Variants in COPS4 observed in about 807,000 individuals in gnomAD.
COPS4 encodes the protein COP9 signalosome complex subunit 4.
Under a neutral mutation model 55.1 loss-of-function variants are expected in COPS4, and 8 were observed. The ratio of observed to expected loss-of-function variants is 0.15; its 90% CI spans 0.09 to 0.26. The LOEUF is 0.26. COPS4 is among the 10% of genes least tolerant of loss of function. The pLI is 1.00. For missense variants in COPS4, 248 were observed against 484.0 expected (o/e 0.51, Z 4.58); for synonymous variants, 185 against 165.7 (o/e 1.12, Z -0.90).
Position 83,057,265 on chromosome 4 carries a change from A to G in COPS4, c.572A>G (p.Tyr191Cys). 1 of 1,603,518 alleles carries G rather than the reference A, an allele frequency of 6.2e-7. No individual in the cohort carries two copies. Among genetic ancestry groups the G allele is most frequent in the Non-Finnish European group, 8.5e-7 (1 of 1,175,188 alleles). ...EQLQIHYKVCYARVLDYRRKF... is the reference protein window; with the variant it reads ...EQLQIHYKVCCARVLDYRRKF... The stretch of plus-strand genomic sequence containing the variant: ...ATATTTTCCCTCTGTTAGGTATGCT[A>G]TGCACGTGTTCTTGATTATAGAAGA... The change falls in exon 6 of 10, where the codon TAT becomes TGT. Residue 191 changes from tyrosine to cysteine, a missense_variant. Physicochemically the swap from Tyr to Cys is radical, Grantham distance 194. Transcript: ENST00000264389.
chr4:83,062,926 G>A (rs1731197737), intron 6 of COPS4, 150 bp from the exon 7 acceptor site: 2 of 599,038 alleles, frequency 3.3e-6, no homozygotes, highest in East Asian at 6.4e-5. Flanking sequence ...TTCAGCGTCG[G>A]CAGTGACTGC....
chr4:83,051,211 C>A (rs1251997783), intron 4 of COPS4, among the ~76,000 whole-genome samples: 1 of 151,182 alleles, frequency 6.6e-6, no homozygotes, highest in Non-Finnish European at 1.5e-5. Context: ...CCAACTTGGA[C>A]AACATATTGA....
intron 7 of COPS4, among the ~76,000 whole-genome samples, chr4:83,065,820 G>A (rs778012790): frequency 6.6e-6 from 1 of 152,206 alleles, no homozygotes; most frequent in Non-Finnish European, 1.5e-5. Flanking sequence ...TTGCATGATT[G>A]TTGTGCTGCT....
chr4:83,060,321 C>T (rs548788138), intron 6 of COPS4, among the ~76,000 whole-genome samples: 39 of 136,712 alleles, frequency 2.9e-4, no homozygotes, highest in African/African-American at 1.0e-3. Flanking sequence ...GTAGCTGGGA[C>T]TACAGGTGCC....
At chr4:83,039,496 A>G (rs1323699779) in intron 1 of COPS4, among the ~76,000 whole-genome samples, 5 of 152,228 alleles carry the variant, frequency 3.3e-5, no homozygotes, top group Admixed American at 2.0e-4. Flanking sequence ...GTAAAGGGAC[A>G]TGGGTACTGG....
chr4:83,050,500 A>T (rs1363666792), intron 4 of COPS4, among the ~76,000 whole-genome samples: 1 of 152,100 alleles, frequency 6.6e-6, no homozygotes, highest in East Asian at 1.9e-4. Context: ...CATGTTTACT[A>T]GGTTTCACCA....
Position 83,049,245 on chromosome 4 carries a change from T to A in COPS4, c.234T>A (p.Asp78Glu), listed in dbSNP as rs752301359. The A allele has an allele frequency of 5.0e-6, 8 of 1,612,396 alleles. No individual in the cohort carries two copies. The East Asian group carries it at 1.3e-4, about 27-fold the overall frequency. Residue 78 changes from aspartate (D) to glutamate (E), a missense_variant, in exon 3 of 10, where the codon GAT (aspartate) becomes GAA (glutamate). Around this residue, in one of 4 missense-constraint regions of COPS4, gnomAD observed 155 missense variants for 326.6 expected, o/e 0.47. Transcript: ENST00000264389. ...GCACACATCTTCCTAACTTGCCTGA[T>A]AGCACAGCCAAAGAAATCTATCACT... ...DFCTHLPNLPDSTAKEIYHFT... is the reference protein window; with the variant it reads ...DFCTHLPNLPESTAKEIYHFT...
chr4:83,071,962 G>A (rs921968562), intron 9 of COPS4, among the ~76,000 whole-genome samples: 4 of 151,962 alleles, frequency 2.6e-5, no homozygotes, highest in Admixed American at 6.6e-5. Context: ...CGCCCGCCTC[G>A]GCCTCCCAAA....
In COPS4 at chr4:83,057,025, A is replaced by T. The variant is rs570377685; in HGVS notation, c.510A>T (p.Arg170=). 1 of 1,614,100 alleles carries T rather than the reference A, an allele frequency of 6.2e-7. No individual in the cohort carries two copies. Among genetic ancestry groups the T allele is most frequent in the East Asian group, 2.2e-5 (1 of 44,866 alleles). ...DPVQAEAYIN[R]ASLLQNESTN... ...TCCAGGCAGAGGCTTACATAAATCG[A>T]GCATCGTTGCTTCAGAATGAATCAA... The change falls in exon 5 of 10, where the codon CGA becomes CGT. Residue 170 remains arginine (R), a synonymous_variant. Transcript: ENST00000264389.
At chr4:83,060,768 C>T (rs1279046564) in intron 6 of COPS4, among the ~76,000 whole-genome samples, 3 of 151,758 alleles carry the variant, frequency 2.0e-5, no homozygotes, top group African/African-American at 7.3e-5. Flanking sequence ...GGCACGGTGG[C>T]TCACGCCTGT....
intron 1 of COPS4, among the ~76,000 whole-genome samples, chr4:83,041,061 G>T (rs1466849264): frequency 7.7e-4 from 110 of 142,086 alleles, no homozygotes; most frequent in African/African-American, 1.0e-3. Context: ...TTTTTTTTTT[G>T]TTTTTTGTTT....
intron 9 of COPS4, among the ~76,000 whole-genome samples, chr4:83,071,479 T>C (rs1324748122): frequency 6.6e-6 from 1 of 151,990 alleles, no homozygotes; most frequent in Non-Finnish European, 1.5e-5. Flanking sequence ...GGTGCAGTGG[T>C]ATGATCATAG....
At chr4:83,038,396 A>G (rs1339002846) in intron 1 of COPS4, among the ~76,000 whole-genome samples, 3 of 152,228 alleles carry the variant, frequency 2.0e-5, no homozygotes, top group Non-Finnish European at 2.9e-5. Context: ...TGGTGAAGCT[A>G]GAAGACAGTC....
chr4:83,058,250 C>G (rs1350171696), intron 6 of COPS4, among the ~76,000 whole-genome samples: 2 of 152,162 alleles, frequency 1.3e-5, no homozygotes, highest in African/African-American at 4.8e-5. Flanking sequence ...TCTTAAATTG[C>G]TCTATCACCC....
At chr4:83,068,566 A>T in intron 9 of COPS4, 44 bp downstream of exon 9, 1 of 1,208,272 alleles carries the variant, frequency 8.3e-7, no homozygotes. Flanking sequence ...ATAGCAGTGA[A>T]CTGTTATATT....
intron 9 of COPS4, chr4:83,073,358 T>C (rs1022330425): frequency 3.1e-6 from 2 of 640,070 alleles, no homozygotes; most frequent in African/African-American, 3.6e-5. Context: ...TGGCAGGTAA[T>C]CAGTGCTTCA....
At chr4:83,071,312 TAATA>T (rs1731423713) in intron 9 of COPS4, among the ~76,000 whole-genome samples, 1 of 152,192 alleles carries the variant, frequency 6.6e-6, no homozygotes, top group Non-Finnish European at 1.5e-5. Context: ...ATATGATGAG[TAATA>T]TAGCATTTCC....
rs192969034 is a variant in COPS4, at chr4:83,042,977, T to G, written c.75-2649T>G. On this transcript the variant is annotated intron_variant, in intron 1 of 9. Transcript: ENST00000264389. ...ATTGCCCAGGCTGGTCTTGAACTCCTGGACTCAAGTGATCTACTTTCTTTG... is the reference window on the plus strand; with the variant it reads ...ATTGCCCAGGCTGGTCTTGAACTCCGGGACTCAAGTGATCTACTTTCTTTG... 1.1e-3 allele frequency among the ~76,000 whole-genome samples: 168 copies of G among 151,644 alleles called. 1 individual carries two copies. Among genetic ancestry groups the G allele is most frequent in the African/African-American group, 3.9e-3 (163 of 41,352 alleles).
At chr4:83,043,272 T>C (rs1730612331) in intron 1 of COPS4, among the ~76,000 whole-genome samples, 1 of 151,774 alleles carries the variant, frequency 6.6e-6, no homozygotes, top group African/African-American at 2.4e-5. Flanking sequence ...ATCCCAGCAC[T>C]TGGGGAGGCT....
Sources: gnomAD v4.1 joint callset for allele counts (sites outside exome capture counted in the v4.1 genomes callset) on GRCh38, gnomAD v4.1.1 for gene constraint, gnomAD v4.1.1 regional missense constraint, MANE v1.5 for transcripts, NCBI Gene and HGNC (gene_info 2026-07-23, HGNC 2026-07-21) for gene names.